CDC20B: variants seen among roughly 807,000 people sequenced by gnomAD.
The protein encoded by CDC20B is cell division cycle protein 20 homolog B.
Under a neutral mutation model 64.1 loss-of-function variants are expected in CDC20B, and 58 were observed. That is an observed-to-expected ratio of 0.90 (90% CI 0.73 to 1.13). The LOEUF (loss-of-function observed/expected upper bound fraction) is 1.13. CDC20B is among the 50% of genes most tolerant of loss of function. The pLI is 0.00. For missense variants in CDC20B, 597 were observed against 633.0 expected (o/e 0.94, Z 0.61); for synonymous variants, 243 against 230.6 (o/e 1.05, Z -0.49).
At chr5:55,131,214 GAC>G (rs1743020132) in intron 6 of CDC20B, among the ~76,000 whole-genome samples, 1 of 152,178 alleles carries the variant, frequency 6.6e-6, no homozygotes, top group South Asian at 2.1e-4. Context: ...GACTTTGAGA[GAC>G]CTATGTGATT....
intron 6 of CDC20B, among the ~76,000 whole-genome samples, chr5:55,128,881 C>A (rs1742961065): frequency 6.6e-6 from 1 of 152,196 alleles, no homozygotes; most frequent in Non-Finnish European, 1.5e-5. Flanking sequence ...AAGAACTTGG[C>A]AGATTCATCT....
chr5:55,171,467 G>GA (rs559937412), intron 2 of CDC20B, among the ~76,000 whole-genome samples: 17 of 152,164 alleles, frequency 1.1e-4, no homozygotes, highest in African/African-American at 3.1e-4. Flanking sequence ...GTGTTTGGGG[G>GA]AAAAAATCAA....
Position 55,173,130 on chromosome 5 carries a change from T to C in CDC20B, c.-130A>G. On this transcript the variant is annotated 5_prime_UTR_variant, in exon 1 of 12. The change creates a new upstream start codon in the 5' untranslated region. Transcript: ENST00000381375. The stretch of plus-strand genomic sequence containing the variant: ...GGAGTCCCGTCCCCCAGGACCATTC[T>C]ATTTCACCACCTCCCTCCAGGTCCC... 1.4e-6 allele frequency: 1 copy of C among 705,782 alleles called. No homozygotes were observed. The highest frequency in any genetic ancestry group is 1.7e-5 in the South Asian group (1 of 58,294). 43.7% of individuals were successfully genotyped at this position (705,782 alleles called of 1,614,324 possible). A position where few individuals can be genotyped will look rare whatever the true frequency, so the allele number is the denominator to read the frequency against.
intron 11 of CDC20B, among the ~76,000 whole-genome samples, chr5:55,115,261 T>C (rs1257656480): frequency 6.6e-6 from 1 of 152,112 alleles, no homozygotes; most frequent in Admixed American, 6.6e-5. Flanking sequence ...CTATGAGAGG[T>C]TAATAGGTAT....
intron 4 of CDC20B, among the ~76,000 whole-genome samples, chr5:55,143,038 T>G (rs72766139): frequency 0.028 from 4,190 of 152,106 alleles, 72 homozygotes; most frequent in Non-Finnish European, 0.044. Flanking sequence ...ATGTAATAAA[T>G]GTACTTAACC....
At chr5:55,144,019 T>C (rs1466270890) in intron 3 of CDC20B, among the ~76,000 whole-genome samples, 2 of 150,988 alleles carry the variant, frequency 1.3e-5, no homozygotes, top group African/African-American at 4.9e-5. Context: ...AAACCAGATT[T>C]GCACATTTGA....
In CDC20B at chr5:55,117,627, C is replaced by T. The variant is rs540627612; in HGVS notation, c.1459+2174G>A. Among the ~76,000 whole-genome samples the T allele has an allele frequency of 7.9e-5, 12 of 152,158 alleles. No individual in the cohort carries two copies. The South Asian group carries it at 1.2e-3, about 16-fold the overall frequency. ...CCACAATGGAAACACAGCCTCACAA[C>T]GAAAGCCATAAAAATTAAATACCTA... On this transcript the variant is annotated intron_variant, in intron 11 of 11. Transcript: ENST00000381375.
At chr5:55,172,862 T>C in intron 1 of CDC20B, 76 bp downstream of exon 1, 1 of 1,406,984 alleles carries the variant, frequency 7.1e-7, no homozygotes, top group South Asian at 1.3e-5. Flanking sequence ...CTCTTGGTCC[T>C]AAACAGATAT....
chr5:55,146,438 C>T lies in CDC20B; in HGVS notation c.355+190G>A, dbSNP rs144763244. ...TTTTGTTTTTGTTTTTGTTTTTAAA[C>T]ACATACAGTACCTTTCCTTTGTTTT... On this transcript the variant is annotated intron_variant, in intron 3 of 11. Transcript: ENST00000381375. 3.3e-3 allele frequency among the ~76,000 whole-genome samples: 495 copies of T among 152,254 alleles called. 5 individuals are homozygous for T. Among genetic ancestry groups the T allele is most frequent in the African/African-American group, 0.011 (471 of 41,546 alleles).
At chr5:55,141,160 G>A (rs1743318514) in intron 4 of CDC20B, among the ~76,000 whole-genome samples, 1 of 152,228 alleles carries the variant, frequency 6.6e-6, no homozygotes, top group African/African-American at 2.4e-5. Flanking sequence ...ATTTTATTCA[G>A]CAGCAGCTCT....
chr5:55,173,168 C>T lies in CDC20B; in HGVS notation c.-168G>A. 1.7e-6 allele frequency: 1 copy of T among 594,648 alleles called. No individual in the cohort carries two copies. Among genetic ancestry groups the T allele is most frequent in the Middle Eastern group, 4.5e-4 (1 of 2,216 alleles). The allele number at this position is 594,648 out of a possible 1,614,324, so 36.8% of individuals were successfully genotyped here. On this transcript the variant is annotated 5_prime_UTR_variant, in exon 1 of 12. It adds an upstream start codon to the 5' untranslated region. Transcript: ENST00000381375. Reference sequence around the variant, plus strand: ...CCCTCCAGGTCCCCCACTCCTCCCACCGCCGCTGCAAGGTGTTCCCCAGGG... The same window carrying T: ...CCCTCCAGGTCCCCCACTCCTCCCATCGCCGCTGCAAGGTGTTCCCCAGGG...
intron 4 of CDC20B, among the ~76,000 whole-genome samples, chr5:55,141,438 T>C (rs1181925186): frequency 6.6e-6 from 1 of 152,248 alleles, no homozygotes; most frequent in Non-Finnish European, 1.5e-5. Flanking sequence ...CGGACAATAG[T>C]GGCTTAGAGC....
In CDC20B at chr5:55,114,221, G is replaced by C. The variant is rs375314617; in HGVS notation, c.1557C>G (p.Tyr519Ter). 1.2e-6 allele frequency: 2 copies of C among 1,613,346 alleles called. No individual in the cohort carries two copies. The highest frequency in any genetic ancestry group is 2.7e-5 in the African/African-American group (2 of 74,886). The change falls in exon 12 of 12, where the codon TAC (tyrosine) becomes TAG (stop). Residue 519 changes from tyrosine (Y) to a stop codon, truncating the protein, a stop_gained. Coordinates refer to ENST00000381375, the MANE Select transcript of CDC20B (RefSeq NM_001170402.1). LOFTEE classifies it high-confidence loss of function. The surrounding 1 kb of genome is among the most constrained non-coding windows in gnomAD (Gnocchi z 4.1). ...ADGTASVWNC[Y>*] ...TGAAACCTAGAGGGGCTGGGTGCTAGTAGCAATTCCATACAGAGGCCGTCC... is the reference window on the plus strand; with the variant it reads ...TGAAACCTAGAGGGGCTGGGTGCTACTAGCAATTCCATACAGAGGCCGTCC...
At chr5:55,120,098 T>G (rs1348096160) in intron 10 of CDC20B, among the ~76,000 whole-genome samples, 180 bp from the exon 11 acceptor site, 2 of 152,064 alleles carry the variant, frequency 1.3e-5, no homozygotes, top group Non-Finnish European at 2.9e-5. Context: ...AAGGATCAAG[T>G]ATACAAATAG....
chr5:55,134,022 T>C (rs1449955288), intron 5 of CDC20B, among the ~76,000 whole-genome samples: 9 of 152,206 alleles, frequency 5.9e-5, no homozygotes. Context: ...TGGAGTATTG[T>C]TAATATATTT....
intron 2 of CDC20B, among the ~76,000 whole-genome samples, chr5:55,152,087 G>A (rs995493798): frequency 1.1e-4 from 17 of 152,216 alleles, no homozygotes; most frequent in African/African-American, 3.9e-4. Context: ...GGCAGTGACC[G>A]GAGTGATAGG....
chr5:55,143,474 T>C, intron 4 of CDC20B, 39 bp downstream of exon 4: 1 of 1,535,230 alleles, frequency 6.5e-7, no homozygotes, highest in Non-Finnish European at 8.8e-7. Context: ...TCTCAGCTTC[T>C]CTAGATGTGG....
At chr5:55,129,706 A>G (rs1040991251) in intron 6 of CDC20B, among the ~76,000 whole-genome samples, 41 of 152,256 alleles carry the variant, frequency 2.7e-4, no homozygotes, top group Non-Finnish European at 4.3e-4. Context: ...TGAAACATCC[A>G]TACAAGTCTC....
intron 2 of CDC20B, chr5:55,161,098 G>A (rs1744028659): frequency 6.2e-7 from 1 of 1,614,194 alleles, no homozygotes; most frequent in East Asian, 2.2e-5. Flanking sequence ...ACTTCAGCGT[G>A]TTGGCTTTTC....
Sources: gnomAD v4.1 joint callset for allele counts (sites outside exome capture counted in the v4.1 genomes callset) on GRCh38, gnomAD v4.1.1 for gene constraint, Gnocchi (gnomAD v3.1) non-coding constraint, MANE v1.5 for transcripts, NCBI Gene and HGNC (gene_info 2026-07-23, HGNC 2026-07-21) for gene names.